KLF12: variants seen among roughly 807,000 people sequenced by gnomAD.
KLF12 encodes KLF transcription factor 12.
KLF12 carries 9 observed loss-of-function variants against 37.8 expected under a neutral mutation model. That is an observed-to-expected ratio of 0.24 (90% confidence interval 0.14 to 0.42). KLF12 has a LOEUF of 0.42. KLF12 is among the 10% of genes least tolerant of loss of function. The probability of loss-of-function intolerance (pLI) is 1.00; values close to 1 mark genes in which losing one functional copy is unlikely to be tolerated. For missense variants in KLF12, 411 were observed against 516.0 expected, an observed-to-expected ratio of 0.80 and a Z score of 1.97; for synonymous variants, 208 against 202.1, an observed-to-expected ratio of 1.03 and a Z score of -0.25.
the KLF12 span, among the ~76,000 whole-genome samples, chr13:74,213,722 G>A: frequency 1.3e-5 from 2 of 149,242 alleles, no homozygotes; most frequent in Non-Finnish European, 3.0e-5. Flanking sequence ...TATTAACATA[G>A]TTCGAACTCT....
intron 1 of KLF12, among the ~76,000 whole-genome samples, chr13:74,076,540 G>C (rs969971131): frequency 1.3e-5 from 2 of 152,154 alleles, no homozygotes; most frequent in Non-Finnish European, 2.9e-5. Context: ...TCTTTTATAA[G>C]GGCCTTAATC....
At chr13:73,740,001 T>C (rs1252175870) in intron 6 of KLF12, among the ~76,000 whole-genome samples, 1 of 146,420 alleles carries the variant, frequency 6.8e-6, no homozygotes, top group African/African-American at 2.5e-5. Flanking sequence ...TGGACCACTG[T>C]AGACAGTTGT....
chr13:73,838,424 T>C (rs934995834), intron 4 of KLF12, among the ~76,000 whole-genome samples: 10 of 152,158 alleles, frequency 6.6e-5, no homozygotes, highest in Non-Finnish European at 1.3e-4. Flanking sequence ...GAAAGCAACA[T>C]TCTTTAAAAG....
intron 2 of KLF12, among the ~76,000 whole-genome samples, chr13:73,955,782 T>C (rs1890812470): frequency 6.6e-6 from 1 of 152,192 alleles, no homozygotes; most frequent in Non-Finnish European, 1.5e-5. Context: ...ACTTTCAAAA[T>C]TACTTGAGGA....
chr13:74,204,440 C>T, the KLF12 span, among the ~76,000 whole-genome samples: 37 of 152,018 alleles, frequency 2.4e-4, no homozygotes, highest in African/African-American at 8.9e-4. Flanking sequence ...ATCCCAAAAA[C>T]CTTTGTTAAT....
chr13:73,792,537 A>G (rs542502205), intron 5 of KLF12, among the ~76,000 whole-genome samples: 1 of 152,308 alleles, frequency 6.6e-6, no homozygotes, highest in South Asian at 2.1e-4. Context: ...AGAATAATCT[A>G]GATTATCACA....
intron 2 of KLF12, among the ~76,000 whole-genome samples, chr13:73,966,474 C>G (rs766280500): frequency 1.9e-4 from 29 of 152,096 alleles, no homozygotes; most frequent in African/African-American, 6.0e-4. Flanking sequence ...TTGTGAGGCC[C>G]TGAAATGTGC....
intron 1 of KLF12, among the ~76,000 whole-genome samples, chr13:74,087,881 T>G (rs1377816479): frequency 6.6e-6 from 1 of 152,170 alleles, no homozygotes; most frequent in Non-Finnish European, 1.5e-5. Context: ...GCCCAACTGA[T>G]GTACACACAG....
At chr13:73,794,042 G>GA (rs1226810719) in intron 5 of KLF12, among the ~76,000 whole-genome samples, 1 of 151,532 alleles carries the variant, frequency 6.6e-6, no homozygotes, top group East Asian at 1.9e-4. Flanking sequence ...CTGGTTGCAG[G>GA]AAAAAAAAAT....
At chr13:74,208,418 T>A in the KLF12 span, among the ~76,000 whole-genome samples, 2 of 152,180 alleles carry the variant, frequency 1.3e-5, no homozygotes, top group Non-Finnish European at 2.9e-5. Context: ...AAGAAAAATA[T>A]AGTGCTACAA....
intron 2 of KLF12, among the ~76,000 whole-genome samples, chr13:73,961,454 T>C (rs1891018656): frequency 6.6e-6 from 1 of 152,000 alleles, no homozygotes; most frequent in Non-Finnish European, 1.5e-5. Context: ...GAGACAAAGA[T>C]GGAAGACACA....
chr13:74,294,966 G>T, the KLF12 span, among the ~76,000 whole-genome samples: 9 of 152,092 alleles, frequency 5.9e-5, no homozygotes, highest in African/African-American at 1.9e-4. Context: ...GCCCCTGCTG[G>T]CTCCCCTTGC....
intron 6 of KLF12, among the ~76,000 whole-genome samples, chr13:73,737,789 C>T (rs111996540): frequency 0.015 from 2,272 of 151,944 alleles, 48 homozygotes; most frequent in African/African-American, 0.051. Context: ...AGAAGATTAG[C>T]TAAAGAGTAT....
At chr13:74,060,502 G>GTGTGTC (rs1555336675) in intron 1 of KLF12, among the ~76,000 whole-genome samples, 30 of 150,204 alleles carry the variant, frequency 2.0e-4, no homozygotes, top group Non-Finnish European at 3.3e-4. Flanking sequence ...GTGTGTGTGT[G>GTGTGTC]TGTGTGTGTG....
chr13:73,758,661 T>A (rs901276837), intron 6 of KLF12, among the ~76,000 whole-genome samples: 9 of 152,156 alleles, frequency 5.9e-5, no homozygotes, highest in African/African-American at 2.2e-4. Flanking sequence ...TGAAAATGTC[T>A]CAGAAGTGGT....
At chr13:74,302,801 A>G in the KLF12 span, among the ~76,000 whole-genome samples, 1 of 152,074 alleles carries the variant, frequency 6.6e-6, no homozygotes, top group Non-Finnish European at 1.5e-5. Flanking sequence ...ACACCTTCTA[A>G]AAGGAGAGGG....
chr13:74,186,680 C>G, the KLF12 span, among the ~76,000 whole-genome samples: 2 of 152,000 alleles, frequency 1.3e-5, no homozygotes, highest in South Asian at 4.1e-4. Flanking sequence ...AAAAAAAATT[C>G]CTTTTGTTGT....
At chr13:74,099,487 A>C (rs946371750) in intron 1 of KLF12, among the ~76,000 whole-genome samples, 1 of 152,246 alleles carries the variant, frequency 6.6e-6, no homozygotes, top group Admixed American at 6.5e-5. Context: ...CACTATGTAA[A>C]ATCATCAAAT....
intron 3 of KLF12, among the ~76,000 whole-genome samples, chr13:73,893,829 C>T (rs566303658): frequency 4.0e-4 from 61 of 152,192 alleles, no homozygotes; most frequent in Middle Eastern, 6.8e-3. Flanking sequence ...TTAATGCAGA[C>T]GGCAATAGAG....
Sources: allele counts gnomAD v4.1 joint callset (sites outside exome capture counted in the v4.1 genomes callset), GRCh38; gene constraint gnomAD v4.1.1; transcripts MANE v1.5; gene names NCBI Gene and HGNC (gene_info 2026-07-23, HGNC 2026-07-21).